The following INSL6 variants were observed in gnomAD, a reference collection of about 807,000 sequenced individuals.
INSL6 encodes insulin like 6.
INSL6 carries 16 observed loss-of-function variants against 9.4 expected under a neutral mutation model. The ratio of observed to expected loss-of-function variants is 1.70; its 90% CI spans 1.15 to 2.59. The LOEUF (loss-of-function observed/expected upper bound fraction) is 2.59. Ranked by LOEUF, INSL6 falls within the 30% of genes most tolerant of loss-of-function variation. The pLI is 0.00. For synonymous variants in INSL6, 154 were observed against 96.9 expected, an observed-to-expected ratio of 1.59 and a Z score of -3.46; for missense variants, 391 against 257.3, an observed-to-expected ratio of 1.52 and a Z score of -3.56.
chr9:5,115,187 G>C, the INSL6 span, among the ~76,000 whole-genome samples: 1 of 152,026 alleles, frequency 6.6e-6, no homozygotes, highest in African/African-American at 2.4e-5. Flanking sequence ...CTAATATCAA[G>C]AATCTACAAA....
the INSL6 span, chr9:5,112,580 C>T: frequency 7.0e-6 from 5 of 710,430 alleles, no homozygotes; most frequent in Non-Finnish European, 1.2e-5. Flanking sequence ...CTGCGGGTCC[C>T]TTAAGAGGGC....
At chr9:5,132,868 A>G (rs1564033789) in intron 3 of INSL6, 1 of 152,256 alleles carries the variant, frequency 6.6e-6, no homozygotes, top group Non-Finnish European at 1.5e-5. Flanking sequence ...AGACAAAATT[A>G]GAAGATTACA....
At chr9:5,135,331 A>G (rs10758673) in intron 2 of INSL6, among the ~76,000 whole-genome samples, 63,832 of 151,394 alleles carry the variant, frequency 0.42, 16,357 homozygotes, top group African/African-American at 0.74. Flanking sequence ...TGGACCAAGC[A>G]GACCTAACAG....
At chr9:5,081,979 T>C in the INSL6 span, 2 of 844,696 alleles carry the variant, frequency 2.4e-6, no homozygotes, top group East Asian at 2.5e-5. Flanking sequence ...AAAAAAAAGG[T>C]TTGGTTGTCA....
downstream of INSL6, among the ~76,000 whole-genome samples, chr9:5,159,232 GAGA>G (rs1380314869): frequency 6.6e-6 from 1 of 152,002 alleles, no homozygotes; most frequent in Non-Finnish European, 1.5e-5. Context: ...AGAAAAGGCA[GAGA>G]AGATCACAAA....
chr9:5,158,503 A>C (rs1250877607), intron 2 of INSL6, among the ~76,000 whole-genome samples: 1 of 152,204 alleles, frequency 6.6e-6, no homozygotes, highest in Non-Finnish European at 1.5e-5. Context: ...CAAGATATTA[A>C]TACAATGGAA....
intron 2 of INSL6, among the ~76,000 whole-genome samples, chr9:5,141,964 G>T (rs1269366544): frequency 2.0e-5 from 3 of 151,472 alleles, no homozygotes; most frequent in Non-Finnish European, 3.0e-5. Context: ...AGGATTTATT[G>T]AATAGGTAAT....
chr9:5,066,279 TTA>T, the INSL6 span, among the ~76,000 whole-genome samples: 1 of 152,144 alleles, frequency 6.6e-6, no homozygotes, highest in East Asian at 1.9e-4. Flanking sequence ...ATTCAGATTT[TTA>T]TGTCAGTAAC....
chr9:5,023,776 G>A, the INSL6 span, among the ~76,000 whole-genome samples: 2 of 152,120 alleles, frequency 1.3e-5, no homozygotes, highest in Non-Finnish European at 2.9e-5. Context: ...GTGGGGAAGT[G>A]GATATGAGAG....
chr9:5,118,938 T>C (rs1823407852), downstream of INSL6, among the ~76,000 whole-genome samples: 1 of 152,184 alleles, frequency 6.6e-6, no homozygotes, highest in Non-Finnish European at 1.5e-5. Flanking sequence ...CTGAAAAGTA[T>C]ACCAAAAAGC....
chr9:5,112,478 G>A, the INSL6 span: 2 of 553,448 alleles, frequency 3.6e-6, no homozygotes, highest in Non-Finnish European at 6.5e-6. Flanking sequence ...GACCGGACCA[G>A]CCCAGACAAG....
chr9:5,090,154 T>G, the INSL6 span, among the ~76,000 whole-genome samples: 3 of 152,226 alleles, frequency 2.0e-5, no homozygotes, highest in South Asian at 4.1e-4. Flanking sequence ...GAATTCAATG[T>G]TTTTTGTTCG....
At chr9:5,158,839 G>GA (rs1475064399) in intron 2 of INSL6, among the ~76,000 whole-genome samples, 1 of 151,320 alleles carries the variant, frequency 6.6e-6, no homozygotes, top group Non-Finnish European at 1.5e-5. Flanking sequence ...TAGGTACACA[G>GA]AAAAAAAATA....
the INSL6 span, among the ~76,000 whole-genome samples, chr9:5,092,413 G>T: frequency 1.0e-3 from 155 of 152,180 alleles, no homozygotes; most frequent in Admixed American, 1.8e-3. Flanking sequence ...CAAACAAAGT[G>T]TCGCTTAACC....
intron 3 of INSL6, chr9:5,128,081 TG>T (rs1312009021): frequency 0.063 from 140 of 2,230 alleles, 2 homozygotes; most frequent in East Asian, 0.48. Context: ...TGGTGGGTTT[TG>T]TGTGTGTGTG....
intron 2 of INSL6, among the ~76,000 whole-genome samples, chr9:5,138,896 A>G (rs1321984738): frequency 7.0e-6 from 1 of 143,340 alleles, no homozygotes; most frequent in African/African-American, 2.7e-5. Context: ...TTGTTTTTAT[A>G]TAGTCACAAA....
intron 2 of INSL6, among the ~76,000 whole-genome samples, chr9:5,158,613 C>T (rs1434693448): frequency 1.3e-5 from 2 of 151,934 alleles, no homozygotes; most frequent in Non-Finnish European, 2.9e-5. Context: ...AAATCTTTTG[C>T]CCTACAAGAG....
chr9:5,087,947 AATT>A, the INSL6 span, among the ~76,000 whole-genome samples: 1 of 152,354 alleles, frequency 6.6e-6, no homozygotes, highest in African/African-American at 2.4e-5. Flanking sequence ...AATAATTAAA[AATT>A]ATTAATTTCA....
the INSL6 span, among the ~76,000 whole-genome samples, chr9:5,101,318 C>G: frequency 2.0e-5 from 3 of 152,236 alleles, no homozygotes; most frequent in Admixed American, 2.0e-4. Flanking sequence ...AGGCAGCAGC[C>G]TGGCAGGCGG....
Sources: gnomAD v4.1 joint callset for allele counts (sites outside exome capture counted in the v4.1 genomes callset) on GRCh38, gnomAD v4.1.1 for gene constraint, MANE v1.5 for transcripts, NCBI Gene and HGNC (gene_info 2026-07-23, HGNC 2026-07-21) for gene names.